The following EVL variants were observed in gnomAD, a reference collection of about 807,000 sequenced individuals.
The protein encoded by EVL is Enah/Vasp-like.
A neutral mutation model predicts 59.6 loss-of-function variants in EVL; 21 were observed. The ratio of observed to expected loss-of-function variants is 0.35; its 90% CI spans 0.25 to 0.51. EVL has a LOEUF of 0.51. Ranked by LOEUF, EVL falls within the 20% of genes least tolerant of loss-of-function variation. The pLI is 0.97. For missense variants in EVL, 462 were observed against 546.6 expected (o/e 0.85, Z 1.54); for synonymous variants, 198 against 203.5 (o/e 0.97, Z 0.23).
chr14:100,103,862 G>A (rs1886389204), intron 3 of EVL, among the ~76,000 whole-genome samples: 1 of 152,166 alleles, frequency 6.6e-6, no homozygotes, highest in Non-Finnish European at 1.5e-5. Flanking sequence ...AGCTCCTGAG[G>A]GCAAGGAGGT....
chr14:100,035,361 G>A (rs1190645458), intron 1 of EVL, among the ~76,000 whole-genome samples: 2 of 144,576 alleles, frequency 1.4e-5, no homozygotes, highest in Non-Finnish European at 3.0e-5. Context: ...TTTATATGCT[G>A]CTCACTCCCT....
chr14:100,083,372 A>G (rs888345500), intron 1 of EVL, among the ~76,000 whole-genome samples: 3 of 151,940 alleles, frequency 2.0e-5, no homozygotes, highest in African/African-American at 7.3e-5. Context: ...AGTTTACTCT[A>G]TCTTTTTTTT....
chr14:99,971,764 C>T (rs1190015180), exon 1 of EVL: 3 of 140,186 alleles, frequency 2.1e-5, no homozygotes, highest in African/African-American at 7.7e-5. Flanking sequence ...CCGGCGGCGG[C>T]CCCCAGGCAC....
intron 1 of EVL, among the ~76,000 whole-genome samples, chr14:100,053,376 C>T (rs1595100298): frequency 6.6e-6 from 1 of 152,072 alleles, no homozygotes; most frequent in Non-Finnish European, 1.5e-5. Flanking sequence ...CTCATGGCTA[C>T]TCCTCCCTTA....
chr14:99,974,052 G>T (rs1362640024), intron 1 of EVL, among the ~76,000 whole-genome samples: 1 of 152,090 alleles, frequency 6.6e-6, no homozygotes. Flanking sequence ...CTTAGTGTTT[G>T]TCGAAAAACA....
chr14:100,140,055 A>ACCTC, intron 11 of EVL: 1 of 151,960 alleles, frequency 6.6e-6, no homozygotes, highest in Non-Finnish European at 1.5e-5. Context: ...GGACTTGGAG[A>ACCTC]CCAGTCTGGG....
At chr14:100,003,774 C>A (rs1371594068) in intron 1 of EVL, among the ~76,000 whole-genome samples, 1 of 152,028 alleles carries the variant, frequency 6.6e-6, no homozygotes, top group Admixed American at 6.5e-5. Flanking sequence ...CTAAGCAAAC[C>A]AAATTTAATA....
chr14:100,118,541 G>A (rs779835973), intron 3 of EVL, among the ~76,000 whole-genome samples: 20 of 152,192 alleles, frequency 1.3e-4, no homozygotes, highest in African/African-American at 4.3e-4. Context: ...ACCGCCAAAC[G>A]CCTGTAGTGT....
intron 1 of EVL, among the ~76,000 whole-genome samples, chr14:100,082,445 G>A (rs2062332865): frequency 6.6e-6 from 1 of 152,172 alleles, no homozygotes; most frequent in African/African-American, 2.4e-5. Flanking sequence ...CTATCCGGTG[G>A]GTTGTCACAG....
intron 3 of EVL, among the ~76,000 whole-genome samples, chr14:100,123,062 G>A (rs976472348): frequency 1.2e-4 from 18 of 152,174 alleles, no homozygotes; most frequent in African/African-American, 4.3e-4. Context: ...CAAGACATCC[G>A]CCAGCTGTCA....
chr14:100,042,012 A>G (rs1468395867), intron 1 of EVL, among the ~76,000 whole-genome samples: 2 of 152,238 alleles, frequency 1.3e-5, no homozygotes, highest in Admixed American at 1.3e-4. Flanking sequence ...AATTTTAAAT[A>G]TTTAATAACC....
At chr14:100,002,915 T>C (rs1429514319) in intron 1 of EVL, among the ~76,000 whole-genome samples, 1 of 152,234 alleles carries the variant, frequency 6.6e-6, no homozygotes, top group Non-Finnish European at 1.5e-5. Context: ...TCCAAAATTT[T>C]ATAATCTATA....
Position 100,075,029 on chromosome 14 carries a change from T to C in EVL, c.11+9518T>C, listed in dbSNP as rs111911771. Among the ~76,000 whole-genome samples the C allele has an allele frequency of 7.6e-3, 1,155 of 152,246 alleles. 16 individuals are homozygous for C. The highest frequency in any genetic ancestry group is 0.027 in the African/African-American group (1,117 of 41,546). On this transcript the variant is annotated intron_variant, in intron 1 of 13. Transcript: ENST00000392920. ...TGTCCAGCAGTGTCTCTGACTTGAC[T>C]CCCTGTGTGACTTGGGGGAGCCACA...
Position 100,127,152 on chromosome 14 carries a change from CTG to C in EVL, c.487+384_487+385del, listed in dbSNP as rs761264922. Among the ~76,000 whole-genome samples the C allele has an allele frequency of 6.6e-6, 1 of 152,224 alleles. No homozygotes were observed. Among genetic ancestry groups the C allele is most frequent in the Non-Finnish European group, 1.5e-5 (1 of 68,042 alleles). ...CCCTTGTCATGTCACGTAGTGAACA[CTG>C]TGGCAAGTGACGTGCAGGTGCTGAA... is the stretch of plus-strand genomic sequence containing the variant. On this transcript the variant is annotated intron_variant, in intron 5 of 13. Coordinates refer to ENST00000392920, the MANE Select transcript of EVL (RefSeq NM_016337.3). The surrounding 1 kb of genome is among the most constrained non-coding windows in gnomAD (Gnocchi z 4.2).
chr14:100,038,772 GT>G lies in EVL; in HGVS notation c.6-45914del, dbSNP rs1278545459. ...AGTACCCTGTGTGCTGTGCCCTGGG[GT>G]GTGTGTGTGTGTGTGTGTGTGTGTG... On this transcript the variant is annotated intron_variant, in intron 1 of 13. Coordinates refer to the EVL transcript ENST00000402714. Among the ~76,000 whole-genome samples the G allele has an allele frequency of 5.6e-3, 22 of 3,930 alleles. No homozygotes were observed. In the South Asian group the frequency reaches 0.17, roughly 30 times the overall value. The allele number at this position is 3,930 out of a possible 152,430, so 2.6% of individuals were successfully genotyped here.
At chr14:100,132,395 G>T (rs1888491731) in intron 7 of EVL, among the ~76,000 whole-genome samples, 1 of 152,022 alleles carries the variant, frequency 6.6e-6, no homozygotes, top group African/African-American at 2.4e-5. Context: ...AGTGTCCTGG[G>T]GACAGAGCGT....
At chr14:100,094,107 G>A (rs1375171138) in intron 2 of EVL, among the ~76,000 whole-genome samples, 1 of 151,802 alleles carries the variant, frequency 6.6e-6, no homozygotes, top group South Asian at 2.1e-4. Flanking sequence ...GGATAAGCGG[G>A]GACTACCATA....
chr14:100,119,676 G>A (rs770047265), intron 3 of EVL, among the ~76,000 whole-genome samples: 30 of 152,238 alleles, frequency 2.0e-4, no homozygotes, highest in Non-Finnish European at 3.5e-4. Context: ...GCACTTTATG[G>A]ATTACCATGT....
intron 1 of EVL, among the ~76,000 whole-genome samples, chr14:100,054,836 G>A (rs2061702170): frequency 6.6e-6 from 1 of 152,044 alleles, no homozygotes; most frequent in Non-Finnish European, 1.5e-5. Flanking sequence ...ACCTCTTTGT[G>A]TCATTCTCAG....
Sources: gnomAD v4.1 joint callset for allele counts (sites outside exome capture counted in the v4.1 genomes callset) on GRCh38, gnomAD v4.1.1 for gene constraint, Gnocchi (gnomAD v3.1) non-coding constraint, MANE v1.5 for transcripts, NCBI Gene and HGNC (gene_info 2026-07-23, HGNC 2026-07-21) for gene names.